The following RBFOX1 variants were observed in gnomAD, a reference collection of about 807,000 sequenced individuals.
RBFOX1 encodes RNA binding protein fox-1 homolog 1.
In RBFOX1, 8 loss-of-function variants were observed where a neutral mutation model predicts 57.7. The observed-to-expected ratio is 0.14, with a 90% CI of 0.08 to 0.25. RBFOX1 has a LOEUF of 0.25. Among genes scored for constraint, RBFOX1 ranks in the 10% least tolerant of loss-of-function variants. The pLI, the probability that RBFOX1 is intolerant of heterozygous loss-of-function variation, is 1.00. For missense variants in RBFOX1, 611 were observed against 548.5 expected, an observed-to-expected ratio of 1.11 and a Z score of -1.14; for synonymous variants, 326 against 222.4, an observed-to-expected ratio of 1.47 and a Z score of -4.15.
In RBFOX1 at chr16:5,882,352, C is replaced by T. The variant is rs74004673; in HGVS notation, c.351+15017C>T. The stretch of plus-strand genomic sequence containing the variant: ...CTCAAAGATGGAACAACAAAGCCTG[C>T]GGATGAGCAATTTACAGGAAAGATT... On this transcript the variant is annotated intron_variant, in intron 4 of 19. Transcript: ENST00000641259. Among the ~76,000 whole-genome samples the T allele has an allele frequency of 6.5e-3, 989 of 152,228 alleles. 18 individuals carry two copies. The highest frequency in any genetic ancestry group is 0.023 in the African/African-American group (943 of 41,526).
chr16:5,891,389 T>C (rs1171720815), intron 4 of RBFOX1, among the ~76,000 whole-genome samples: 1 of 152,210 alleles, frequency 6.6e-6, no homozygotes, highest in African/African-American at 2.4e-5. Context: ...AAGCGCCTTC[T>C]ATGCCAAGCC....
intron 4 of RBFOX1, among the ~76,000 whole-genome samples, chr16:5,899,488 G>C (rs907478592): frequency 1.3e-5 from 2 of 152,184 alleles, no homozygotes; most frequent in Non-Finnish European, 2.9e-5. Flanking sequence ...AAATCAAGCT[G>C]AATTCTCTGC....
chr16:6,688,078 G>C (rs912150954), intron 3 of RBFOX1, among the ~76,000 whole-genome samples: 1 of 152,066 alleles, frequency 6.6e-6, no homozygotes, highest in Non-Finnish European at 1.5e-5. Context: ...TTTGAGACTG[G>C]GTAATTTACA....
intron 3 of RBFOX1, among the ~76,000 whole-genome samples, chr16:6,818,732 A>G (rs2090663722): frequency 6.6e-6 from 1 of 152,082 alleles, no homozygotes; most frequent in South Asian, 2.1e-4. Context: ...GTGTCATCAG[A>G]TAGAAAAAGC....
At chr16:6,268,941 G>T (rs904541014) in intron 1 of RBFOX1, among the ~76,000 whole-genome samples, 4 of 152,112 alleles carry the variant, frequency 2.6e-5, no homozygotes, top group Non-Finnish European at 4.4e-5. Context: ...ATATAAAATG[G>T]CATAGTGTTT....
chr16:6,816,468 G>T (rs1299972477), intron 3 of RBFOX1, among the ~76,000 whole-genome samples: 7 of 150,422 alleles, frequency 4.7e-5, no homozygotes, highest in African/African-American at 1.2e-4. Flanking sequence ...TTGGCCGGGT[G>T]TGGTGGCTTA....
At chr16:5,790,455 A>C (rs541869204) in intron 3 of RBFOX1, among the ~76,000 whole-genome samples, 4 of 152,122 alleles carry the variant, frequency 2.6e-5, no homozygotes, top group Non-Finnish European at 5.9e-5. Context: ...GCTCAAAGGA[A>C]GAAAAAATTG....
chr16:6,949,363 C>T (rs549192982), intron 3 of RBFOX1, among the ~76,000 whole-genome samples: 12 of 152,260 alleles, frequency 7.9e-5, no homozygotes, highest in Non-Finnish European at 1.5e-4. Flanking sequence ...TGAAACAGGC[C>T]TTGCTGATGG....
intron 2 of RBFOX1, among the ~76,000 whole-genome samples, chr16:5,593,801 T>G (rs998043172): frequency 3.9e-5 from 6 of 152,212 alleles, no homozygotes; most frequent in African/African-American, 1.4e-4. Flanking sequence ...CCTAATCAAC[T>G]TGCTTTTGCT....
intron 4 of RBFOX1, among the ~76,000 whole-genome samples, chr16:7,065,634 A>G (rs965362936): frequency 5.9e-5 from 9 of 152,222 alleles, no homozygotes; most frequent in Admixed American, 6.5e-5. Context: ...ATGACCTCAC[A>G]TACTTACCTT....
chr16:6,454,319 G>A (rs1567312313), intron 2 of RBFOX1, among the ~76,000 whole-genome samples: 2 of 152,182 alleles, frequency 1.3e-5, no homozygotes. Flanking sequence ...CACTTTGGGA[G>A]GTCAAGGCAG....
At chr16:5,360,551 A>C (rs2065518341) in intron 1 of RBFOX1, among the ~76,000 whole-genome samples, 1 of 152,170 alleles carries the variant, frequency 6.6e-6, no homozygotes, top group Non-Finnish European at 1.5e-5. Flanking sequence ...TAATGCATTG[A>C]GTGAATTGAT....
intron 10 of RBFOX1, among the ~76,000 whole-genome samples, chr16:7,630,121 G>A (rs1241996100): frequency 1.3e-5 from 2 of 151,778 alleles, no homozygotes; most frequent in East Asian, 3.9e-4. Flanking sequence ...CCCTGCCCTG[G>A]GTACGTCTCC....
intron 4 of RBFOX1, among the ~76,000 whole-genome samples, chr16:7,132,433 GACACAC>G (rs36226659): frequency 0.028 from 4,121 of 144,786 alleles, 70 homozygotes; most frequent in African/African-American, 0.059. Flanking sequence ...GTGATACACA[GACACAC>G]ACACACACAC....
At chr16:7,076,152 C>G (rs560387901) in intron 4 of RBFOX1, among the ~76,000 whole-genome samples, 6 of 151,926 alleles carry the variant, frequency 3.9e-5, no homozygotes, top group South Asian at 4.2e-4. Flanking sequence ...AGTGATTCCC[C>G]TGCCTCAGCC....
At chr16:6,518,458 C>T (rs9932680) in intron 2 of RBFOX1, among the ~76,000 whole-genome samples, 125,842 of 152,018 alleles carry the variant, frequency 0.83, 52,312 homozygotes, top group Admixed American at 0.88. Context: ...AATTAATGTG[C>T]TTCTATTATA....
intron 3 of RBFOX1, among the ~76,000 whole-genome samples, chr16:6,773,096 G>C (rs906946481): frequency 4.8e-5 from 7 of 146,660 alleles, no homozygotes; most frequent in Non-Finnish European, 7.5e-5. Flanking sequence ...TGTGGGCGTG[G>C]GGTGCATTTG....
At chr16:5,748,508 T>G (rs2151611724) in intron 3 of RBFOX1, among the ~76,000 whole-genome samples, 1 of 152,332 alleles carries the variant, frequency 6.6e-6, no homozygotes, top group South Asian at 2.1e-4. Context: ...TGTGGGAGTC[T>G]AAGTCTCTTT....
intron 2 of RBFOX1, among the ~76,000 whole-genome samples, chr16:5,557,836 C>A (rs1273244188): frequency 2.0e-5 from 3 of 152,210 alleles, no homozygotes; most frequent in African/African-American, 7.2e-5. Context: ...TTTGGCCTGC[C>A]ATGCCCCTCG....
Sources: allele counts gnomAD v4.1 joint callset (sites outside exome capture counted in the v4.1 genomes callset), GRCh38; gene constraint gnomAD v4.1.1; transcripts MANE v1.5; gene names NCBI Gene and HGNC (gene_info 2026-07-23, HGNC 2026-07-21).